Variants in TIAM1 observed in about 807,000 individuals in gnomAD.
The protein encoded by TIAM1 is rho guanine nucleotide exchange factor TIAM1.
A neutral mutation model predicts 163.5 loss-of-function variants in TIAM1; 65 were observed. The ratio of observed to expected loss-of-function variants is 0.40; its 90% confidence interval spans 0.33 to 0.49. The LOEUF (loss-of-function observed/expected upper bound fraction) is 0.49, where lower values mean the gene tolerates loss of function less well. Ranked by LOEUF, TIAM1 falls within the 20% of genes least tolerant of loss-of-function variation. The pLI is 0.77. For synonymous variants in TIAM1, 833 were observed against 810.1 expected (o/e 1.03, Z -0.48); for missense variants, 1,789 against 2,044.7 (o/e 0.87, Z 2.41).
chr21:31,461,173 C>T (rs1223568763), intron 2 of TIAM1, among the ~76,000 whole-genome samples: 7 of 152,078 alleles, frequency 4.6e-5, no homozygotes, highest in Non-Finnish European at 8.8e-5. Flanking sequence ...GAGGGCACAG[C>T]GAATCGGGTC....
chr21:31,521,956 C>T (rs2047611271), intron 1 of TIAM1, among the ~76,000 whole-genome samples: 3 of 151,986 alleles, frequency 2.0e-5, no homozygotes, highest in Non-Finnish European at 4.4e-5. Context: ...ACTGCAAGCT[C>T]CGCCTCCCGG....
intron 2 of TIAM1, among the ~76,000 whole-genome samples, chr21:31,463,744 G>T (rs1397852927): frequency 6.6e-6 from 1 of 151,668 alleles, no homozygotes; most frequent in Non-Finnish European, 1.5e-5. Context: ...CTTAAACCCA[G>T]GAGGCGGAGG....
chr21:31,177,342 C>T (rs1386095234), intron 15 of TIAM1, among the ~76,000 whole-genome samples: 3 of 152,188 alleles, frequency 2.0e-5, no homozygotes, highest in Non-Finnish European at 4.4e-5. Context: ...CATGGTGGCT[C>T]ATGCCTATAA....
At chr21:31,473,459 A>C (rs1226829872) in intron 1 of TIAM1, among the ~76,000 whole-genome samples, 11 of 137,104 alleles carry the variant, frequency 8.0e-5, no homozygotes, top group East Asian at 2.0e-4. Context: ...AAAAAAAAAA[A>C]AAAAAAACAT....
chr21:31,223,715 A>G, intron 7 of TIAM1, 124 bp from the exon 8 acceptor site: 1 of 960,642 alleles, frequency 1.0e-6, no homozygotes, highest in Non-Finnish European at 1.4e-6. Flanking sequence ...AATAAACAAC[A>G]GGTACCTAAG....
chr21:31,212,888 G>T (rs535108005), intron 10 of TIAM1: 2 of 153,704 alleles, frequency 1.3e-5, no homozygotes, highest in South Asian at 2.0e-4. Flanking sequence ...GATTACAGGC[G>T]TGAGCCACCA....
At chr21:31,260,165 T>A (rs1410024872) in intron 4 of TIAM1, among the ~76,000 whole-genome samples, 2 of 147,110 alleles carry the variant, frequency 1.4e-5, no homozygotes, top group Non-Finnish European at 3.0e-5. Flanking sequence ...GGTCAAAAAA[T>A]ATATTTTTAA....
intron 1 of TIAM1, among the ~76,000 whole-genome samples, chr21:31,469,243 C>T (rs1430513689): frequency 1.3e-5 from 2 of 151,806 alleles, no homozygotes; most frequent in Non-Finnish European, 2.9e-5. Flanking sequence ...CACGCCACCA[C>T]ACCATACCTG....
intron 1 of TIAM1, among the ~76,000 whole-genome samples, chr21:31,516,544 T>A (rs1169468398): frequency 2.6e-5 from 4 of 152,044 alleles, no homozygotes; most frequent in Admixed American, 1.3e-4. Context: ...AGGAAGAGAA[T>A]TCTCTAAGAG....
chr21:31,278,221 G>A lies in TIAM1; in HGVS notation c.-188-1313C>T, dbSNP rs538987474. On this transcript the variant is annotated intron_variant, in intron 2 of 27. Transcript: ENST00000541036. ...ACATAGAACTTTCCATTGTATACAC[G>A]TTTTCTTACGAAGGCAAACATCAAA... is the stretch of plus-strand genomic sequence containing the variant. Among the ~76,000 whole-genome samples, 6 of 152,290 alleles carry A rather than the reference G, an allele frequency of 3.9e-5. No homozygotes were observed. The East Asian group carries it at 7.7e-4, about 20-fold the overall frequency.
chr21:31,286,955 T>C lies in TIAM1; in HGVS notation c.-188-10047A>G, dbSNP rs8132484. Among the ~76,000 whole-genome samples, 1,212 of 152,124 alleles carry C rather than the reference T, an allele frequency of 8.0e-3. 17 individuals carry two copies. The highest frequency in any genetic ancestry group is 0.028 in the African/African-American group (1,170 of 41,532). On this transcript the variant is annotated intron_variant, in intron 2 of 27. Coordinates refer to ENST00000541036, the MANE Select transcript of TIAM1 (RefSeq NM_001353694.2). The stretch of plus-strand genomic sequence containing the variant: ...CTCATTTTAAAATGGAAAAAAAAAA[T>C]GACCTTAAGTTTTTATTTGCAAATC...
chr21:31,293,714 C>A (rs766678820), intron 2 of TIAM1, among the ~76,000 whole-genome samples: 1 of 152,186 alleles, frequency 6.6e-6, no homozygotes, highest in African/African-American at 2.4e-5. Context: ...CTGCGAAGAG[C>A]GGCAAGTCTT....
In TIAM1 at chr21:31,340,843, C is replaced by G. The variant is rs183989863; in HGVS notation, c.-368-1421G>C. 2.0e-3 allele frequency among the ~76,000 whole-genome samples: 295 copies of G among 150,972 alleles called. 2 individuals are homozygous for G. Among genetic ancestry groups the G allele is most frequent in the Non-Finnish European group, 1.7e-3 (118 of 67,794 alleles). On this transcript the variant is annotated intron_variant, in intron 1 of 27. Transcript: ENST00000541036. ...AACAGAGCAGAGCAGTGGGTAAGATCCTTAGGAGATGAGACAAACTGAGAG... is the reference window on the plus strand; with the variant it reads ...AACAGAGCAGAGCAGTGGGTAAGATGCTTAGGAGATGAGACAAACTGAGAG...
At chr21:31,489,594 G>C (rs2046399090) in intron 1 of TIAM1, among the ~76,000 whole-genome samples, 1 of 151,742 alleles carries the variant, frequency 6.6e-6, no homozygotes, top group Non-Finnish European at 1.5e-5. Flanking sequence ...TGGCAGATGG[G>C]AGGGGCCACC....
chr21:31,485,282 G>A (rs2046235601), intron 1 of TIAM1, among the ~76,000 whole-genome samples: 1 of 152,080 alleles, frequency 6.6e-6, no homozygotes, highest in Non-Finnish European at 1.5e-5. Context: ...CCCCAGAAAG[G>A]AGTCCCAGGG....
Position 31,222,679 on chromosome 21 carries a change from AT to A in TIAM1, c.1995+726del, listed in dbSNP as rs1569055887. Among the ~76,000 whole-genome samples, 106 of 34,998 alleles carry A rather than the reference AT, an allele frequency of 3.0e-3. 3 individuals are homozygous for A. The highest frequency in any genetic ancestry group is 0.013 in the South Asian group (6 of 456). 23.0% of individuals were successfully genotyped at this position (34,998 alleles called of 152,430 possible). On this transcript the variant is annotated intron_variant, in intron 8 of 27. Transcript: ENST00000541036. The stretch of plus-strand genomic sequence containing the variant: ...TATATACATACATGTACACATACAT[AT>A]ATATATATATATATATATATATATA...
chr21:31,397,470 T>C (rs1045800831), intron 2 of TIAM1, among the ~76,000 whole-genome samples: 2 of 152,112 alleles, frequency 1.3e-5, no homozygotes, highest in Non-Finnish European at 2.9e-5. Flanking sequence ...TAGAAACCAA[T>C]ATACAAAAAT....
chr21:31,292,970 C>T (rs1279724694), intron 2 of TIAM1, among the ~76,000 whole-genome samples: 1 of 152,070 alleles, frequency 6.6e-6, no homozygotes, highest in African/African-American at 2.4e-5. Flanking sequence ...ATTACAGGCG[C>T]CCGCCACCAT....
At chr21:31,347,247 T>C (rs1015280338), upstream of TIAM1, among the ~76,000 whole-genome samples, 7 of 151,952 alleles carry the variant, frequency 4.6e-5, no homozygotes, top group African/African-American at 1.7e-4. Flanking sequence ...TTTTCACAGA[T>C]CTGAACAGAA....
Sources: allele counts gnomAD v4.1 joint callset (sites outside exome capture counted in the v4.1 genomes callset), GRCh38; gene constraint gnomAD v4.1.1; transcripts MANE v1.5; gene names NCBI Gene and HGNC (gene_info 2026-07-23, HGNC 2026-07-21).